The following GPC5 variants were observed in gnomAD, a reference collection of about 807,000 sequenced individuals.
GPC5 encodes glypican-5.
GPC5 carries 47 observed loss-of-function variants against 53.9 expected under a neutral mutation model. The observed-to-expected ratio is 0.87, with a 90% CI of 0.69 to 1.11. GPC5 has a LOEUF of 1.11. GPC5 is among the 50% of genes most tolerant of loss of function. The probability of loss-of-function intolerance (pLI) is 0.00; values close to 1 mark genes in which losing one functional copy is unlikely to be tolerated. For synonymous variants in GPC5, 286 were observed against 263.3 expected (o/e 1.09, Z -0.84); for missense variants, 748 against 713.1 (o/e 1.05, Z -0.56).
chr13:92,384,910 C>T (rs1368882697), intron 7 of GPC5, among the ~76,000 whole-genome samples: 8 of 151,996 alleles, frequency 5.3e-5, no homozygotes, highest in Non-Finnish European at 1.2e-4. Context: ...ATTCTCTTAC[C>T]CATCACCACC....
At chr13:92,437,558 G>A (rs1208281171) in intron 7 of GPC5, among the ~76,000 whole-genome samples, 1 of 151,996 alleles carries the variant, frequency 6.6e-6, no homozygotes, top group East Asian at 1.9e-4. Flanking sequence ...TCTTATAGTT[G>A]CGTTAAATTC....
At chr13:92,282,990 A>T (rs1462264588) in intron 7 of GPC5, among the ~76,000 whole-genome samples, 2 of 152,228 alleles carry the variant, frequency 1.3e-5, no homozygotes, top group African/African-American at 4.8e-5. Context: ...TGCTGTATTC[A>T]GGAGACCCAT....
intron 5 of GPC5, among the ~76,000 whole-genome samples, chr13:91,873,812 G>T (rs1439306969): frequency 6.6e-6 from 1 of 152,084 alleles, no homozygotes; most frequent in African/African-American, 2.4e-5. Flanking sequence ...CTCCTGAGTA[G>T]CTGGGACCAC....
chr13:91,565,826 T>G (rs2031500452), intron 2 of GPC5, among the ~76,000 whole-genome samples: 1 of 152,176 alleles, frequency 6.6e-6, no homozygotes, highest in South Asian at 2.1e-4. Flanking sequence ...AAGTCTGAAA[T>G]CCAGGTGTCT....
At chr13:92,209,884 A>G (rs1346302770) in intron 7 of GPC5, among the ~76,000 whole-genome samples, 2 of 152,146 alleles carry the variant, frequency 1.3e-5, no homozygotes, top group African/African-American at 4.8e-5. Flanking sequence ...CAAGCTGAGG[A>G]GGAAAGATGC....
intron 7 of GPC5, among the ~76,000 whole-genome samples, chr13:92,745,757 T>C (rs2139317893): frequency 1.3e-5 from 2 of 152,238 alleles, no homozygotes; most frequent in African/African-American, 4.8e-5. Flanking sequence ...AAAATACTAA[T>C]CATTTTTTTC....
intron 2 of GPC5, among the ~76,000 whole-genome samples, chr13:91,592,217 T>G (rs2032825349): frequency 1.3e-5 from 2 of 152,188 alleles, no homozygotes; most frequent in South Asian, 4.1e-4. Flanking sequence ...ATTTTTGGTA[T>G]TATAGTTTGG....
chr13:91,889,870 A>C (rs559695911), intron 5 of GPC5, among the ~76,000 whole-genome samples: 1 of 152,204 alleles, frequency 6.6e-6, no homozygotes, highest in Admixed American at 6.5e-5. Flanking sequence ...AATTACAACA[A>C]TGATAAGTGC....
intron 7 of GPC5, among the ~76,000 whole-genome samples, chr13:92,828,293 CCT>C (rs1396658981): frequency 6.6e-6 from 1 of 152,114 alleles, no homozygotes; most frequent in Non-Finnish European, 1.5e-5. Context: ...AACATTCCAC[CCT>C]GTTTTATGTA....
chr13:92,234,178 A>G (rs2042552345), intron 7 of GPC5, among the ~76,000 whole-genome samples: 1 of 152,180 alleles, frequency 6.6e-6, no homozygotes, highest in Non-Finnish European at 1.5e-5. Flanking sequence ...ATACCCAGTA[A>G]TGAGATTGCT....
chr13:91,551,133 T>A (rs2030611364), intron 2 of GPC5, among the ~76,000 whole-genome samples: 3 of 150,030 alleles, frequency 2.0e-5, no homozygotes, highest in African/African-American at 2.4e-5. Context: ...GCATTTCATG[T>A]GGTGCTTGGT....
chr13:92,543,485 T>C (rs1566285061), intron 7 of GPC5, among the ~76,000 whole-genome samples: 1 of 152,132 alleles, frequency 6.6e-6, no homozygotes, highest in East Asian at 1.9e-4. Context: ...GTATCCAAGG[T>C]ACTAGTTTCT....
At chr13:91,830,889 AATAT>A (rs1006642721) in intron 5 of GPC5, among the ~76,000 whole-genome samples, 1 of 126,718 alleles carries the variant, frequency 7.9e-6, no homozygotes, top group Non-Finnish European at 1.6e-5. Context: ...TATTATATAT[AATAT>A]ATATATCCTA....
Position 91,930,167 on chromosome 13 carries a change from C to T in GPC5, c.1401+22110C>T, listed in dbSNP as rs548373345. On this transcript the variant is annotated intron_variant, in intron 6 of 7. Coordinates refer to ENST00000377067, the MANE Select transcript of GPC5 (RefSeq NM_004466.6). ...ACGAGGCCTTTCTAAATGGATAGAA[C>T]GACCATGAAGCCATGGGCATTGTTT... 4.3e-4 allele frequency among the ~76,000 whole-genome samples: 66 copies of T among 152,058 alleles called. 1 individual carries two copies. Among genetic ancestry groups the T allele is most frequent in the African/African-American group, 1.3e-3 (53 of 41,510 alleles).
chr13:92,380,548 T>G (rs1175980490), intron 7 of GPC5, among the ~76,000 whole-genome samples: 1 of 152,012 alleles, frequency 6.6e-6, no homozygotes, highest in Admixed American at 6.6e-5. Flanking sequence ...TGTCCAACAA[T>G]GATAGACTGG....
At chr13:92,447,660 C>T (rs1344586488) in intron 7 of GPC5, 1 of 152,062 alleles carries the variant, frequency 6.6e-6, no homozygotes, top group African/African-American at 2.4e-5. Context: ...ATTATTCTGA[C>T]ATGGACAAGT....
chr13:92,010,570 G>A (rs996083677), intron 6 of GPC5, among the ~76,000 whole-genome samples: 2 of 152,076 alleles, frequency 1.3e-5, no homozygotes, highest in African/African-American at 4.8e-5. Context: ...CTATTTTTGG[G>A]CAATAATTAA....
chr13:92,429,691 A>G (rs531562957), intron 7 of GPC5, among the ~76,000 whole-genome samples: 2 of 152,182 alleles, frequency 1.3e-5, no homozygotes, highest in African/African-American at 4.8e-5. Flanking sequence ...AAAATCTAGA[A>G]TTTGGATGTA....
chr13:91,610,498 T>C (rs1264730693), intron 2 of GPC5, among the ~76,000 whole-genome samples: 4 of 152,214 alleles, frequency 2.6e-5, no homozygotes, highest in Non-Finnish European at 5.9e-5. Flanking sequence ...CATCGGCTTC[T>C]TCAAATGTGA....
Sources: gnomAD v4.1 joint callset for allele counts (sites outside exome capture counted in the v4.1 genomes callset) on GRCh38, gnomAD v4.1.1 for gene constraint, MANE v1.5 for transcripts, NCBI Gene and HGNC (gene_info 2026-07-23, HGNC 2026-07-21) for gene names.